Variants in SLC39A12 observed in about 807,000 individuals in gnomAD.
SLC39A12 encodes zinc transporter ZIP12.
SLC39A12 carries 63 observed loss-of-function variants against 71.1 expected under a neutral mutation model. That is an observed-to-expected ratio of 0.89 (90% CI 0.72 to 1.09). The LOEUF is 1.09. Ranked by LOEUF, SLC39A12 falls within the 50% of genes least tolerant of loss-of-function variation. SLC39A12 has a pLI of 0.00. For synonymous variants in SLC39A12, 351 were observed against 301.3 expected (o/e 1.16, Z -1.71); for missense variants, 892 against 812.6 (o/e 1.10, Z -1.19).
At chr10:17,977,288 A>G (rs1189115495) in intron 4 of SLC39A12, among the ~76,000 whole-genome samples, 2 of 150,246 alleles carry the variant, frequency 1.3e-5, no homozygotes, top group Admixed American at 1.3e-4. Context: ...TGAATCCAAC[A>G]TCTGGAAATA....
chr10:18,013,154 C>T (rs1473121800), intron 12 of SLC39A12, among the ~76,000 whole-genome samples: 3 of 150,924 alleles, frequency 2.0e-5, no homozygotes, highest in East Asian at 1.9e-4. Context: ...AAAAGCTAAA[C>T]AATGATATTA....
intron 3 of SLC39A12, among the ~76,000 whole-genome samples, chr10:17,963,653 A>C (rs1834749097): frequency 6.6e-6 from 1 of 152,182 alleles, no homozygotes; most frequent in Non-Finnish European, 1.5e-5. Flanking sequence ...CTAGGAAGTC[A>C]ATCAGTCCAG....
At chr10:18,020,051 G>C (rs1239494645) in intron 12 of SLC39A12, among the ~76,000 whole-genome samples, 1 of 151,928 alleles carries the variant, frequency 6.6e-6, no homozygotes, top group Admixed American at 6.6e-5. Context: ...TGGGTAAGGT[G>C]CATATTGTGG....
chr10:18,033,782 G>A (rs1355424501), intron 12 of SLC39A12, among the ~76,000 whole-genome samples: 1 of 147,472 alleles, frequency 6.8e-6, no homozygotes, highest in African/African-American at 2.5e-5. Flanking sequence ...TCTCTTGTGG[G>A]CATTTAGTGC....
rs372782522 is a variant in SLC39A12, at chr10:17,997,142, T to C, written c.1600+1420T>C. ...GCATTCTTTCACATTGTTTTATTCA[T>C]TCAAGAAATGTTTGAAGACATGTCC... On this transcript the variant is annotated intron_variant, in intron 10 of 12. Coordinates refer to ENST00000377369, the MANE Select transcript of SLC39A12 (RefSeq NM_001145195.2). Among the ~76,000 whole-genome samples, 9 of 152,354 alleles carry C rather than the reference T, an allele frequency of 5.9e-5. No individual in the cohort carries two copies. The East Asian group carries it at 1.5e-3, about 26-fold the overall frequency.
intron 12 of SLC39A12, among the ~76,000 whole-genome samples, chr10:18,041,013 T>A (rs1412817705): frequency 2.0e-5 from 3 of 151,828 alleles, no homozygotes; most frequent in Non-Finnish European, 4.4e-5. Flanking sequence ...AGGAGAGGGG[T>A]CTCACAATGA....
Position 17,953,346 on chromosome 10 carries a change from A to G in SLC39A12, c.70A>G (p.Thr24Ala). ...LFLLLSRVFSTETDKPSAQDS... is the reference protein window; with the variant it reads ...LFLLLSRVFSAETDKPSAQDS... ...TCTTCTACTCAGCCGTGTTTTTTCT[A>G]CTGAGACAGACAAACCCTCAGCCCA... Residue 24 changes from threonine to alanine, a missense_variant, in exon 2 of 13, where the codon ACT (threonine) becomes GCT (alanine). Thr to Ala is a moderately conservative substitution (Grantham distance 58). Coordinates refer to ENST00000377369, the MANE Select transcript of SLC39A12 (RefSeq NM_001145195.2). 1.4e-5 allele frequency: 22 copies of G among 1,614,120 alleles called. No individual in the cohort carries two copies. The highest frequency in any genetic ancestry group is 2.2e-5 in the East Asian group (1 of 44,876).
At chr10:18,028,292 C>G (rs535690123) in intron 12 of SLC39A12, among the ~76,000 whole-genome samples, 1 of 152,278 alleles carries the variant, frequency 6.6e-6, no homozygotes, top group South Asian at 2.1e-4. Flanking sequence ...TCAGTGAAAG[C>G]TCTTTGACAT....
chr10:17,981,559 C>T, intron 6 of SLC39A12, 76 bp downstream of exon 6: 1 of 1,207,212 alleles, frequency 8.3e-7, no homozygotes, highest in South Asian at 1.7e-5. Flanking sequence ...AGGATACTTA[C>T]TATATACCAG....
At chr10:17,962,728 T>C (rs1834724093) in intron 3 of SLC39A12, among the ~76,000 whole-genome samples, 1 of 152,198 alleles carries the variant, frequency 6.6e-6, no homozygotes, top group Non-Finnish European at 1.5e-5. Flanking sequence ...GCTGTAAATA[T>C]GTTTAATTTC....
chr10:18,013,767 C>T (rs1320324347), intron 12 of SLC39A12, among the ~76,000 whole-genome samples: 2 of 152,154 alleles, frequency 1.3e-5, no homozygotes, highest in African/African-American at 4.8e-5. Context: ...TGTTGAAAAT[C>T]AATTGATCAC....
At chr10:18,023,074 A>G (rs1011022135) in intron 12 of SLC39A12, among the ~76,000 whole-genome samples, 2 of 151,982 alleles carry the variant, frequency 1.3e-5, no homozygotes, top group Non-Finnish European at 2.9e-5. Flanking sequence ...AGTGCTGGTC[A>G]CAGATCTCAG....
chr10:17,978,616 C>T (rs954924467), intron 5 of SLC39A12, among the ~76,000 whole-genome samples: 1 of 152,138 alleles, frequency 6.6e-6, no homozygotes, highest in South Asian at 2.1e-4. Context: ...CAAATACGGT[C>T]TCTTCATGGA....
At chr10:17,984,964 T>C (rs141588599) in intron 6 of SLC39A12, among the ~76,000 whole-genome samples, 106 of 152,354 alleles carry the variant, frequency 7.0e-4, no homozygotes, top group African/African-American at 2.4e-3. Context: ...TATTTTAATA[T>C]TAAACCCCTG....
At chr10:17,967,886 C>CA (rs1175508363) in intron 4 of SLC39A12, among the ~76,000 whole-genome samples, 2,864 of 131,390 alleles carry the variant, frequency 0.022, 113 homozygotes, top group African/African-American at 0.075. Context: ...GACTCCGCCT[C>CA]AAAAAAAAAA....
chr10:17,961,187 G>A (rs1373749283), intron 2 of SLC39A12, among the ~76,000 whole-genome samples: 1 of 152,220 alleles, frequency 6.6e-6, no homozygotes, highest in Non-Finnish European at 1.5e-5. Flanking sequence ...AGTTGAGTGA[G>A]ATGCTGGACC....
chr10:18,030,448 C>T (rs1214033617), intron 12 of SLC39A12, among the ~76,000 whole-genome samples: 1 of 151,692 alleles, frequency 6.6e-6, no homozygotes, highest in Non-Finnish European at 1.5e-5. Context: ...ACCATGTTAG[C>T]CAGGATAGTC....
intron 10 of SLC39A12, among the ~76,000 whole-genome samples, chr10:17,998,905 G>A (rs1835755793): frequency 6.6e-6 from 1 of 152,128 alleles, no homozygotes; most frequent in African/African-American, 2.4e-5. Flanking sequence ...AAACCAGGAA[G>A]TATCCTCTTT....
rs546294104 is a variant in SLC39A12, at chr10:17,995,954, T to G, written c.1600+232T>G. Among the ~76,000 whole-genome samples the G allele has an allele frequency of 9.8e-5, 15 of 152,376 alleles. 1 individual carries two copies. In the South Asian group the frequency reaches 3.1e-3, roughly 32 times the overall value. On this transcript the variant is annotated intron_variant, in intron 10 of 12. Coordinates refer to ENST00000377369, the MANE Select transcript of SLC39A12 (RefSeq NM_001145195.2). ...TAAAAATGAAGTTTTTCTTAGTTGA[T>G]TTAAACTAATTCCCTTCAGGGGAAA...
Sources: gnomAD v4.1 joint callset for allele counts (sites outside exome capture counted in the v4.1 genomes callset) on GRCh38, gnomAD v4.1.1 for gene constraint, MANE v1.5 for transcripts, NCBI Gene and HGNC (gene_info 2026-07-23, HGNC 2026-07-21) for gene names.